Variants in DUSP11 observed in about 807,000 individuals in gnomAD.
The protein encoded by DUSP11 is RNA/RNP complex-1-interacting phosphatase.
Under a neutral mutation model 41.4 loss-of-function variants are expected in DUSP11, and 27 were observed. That is an observed-to-expected ratio of 0.65 (90% CI 0.48 to 0.90). The LOEUF (loss-of-function observed/expected upper bound fraction) is 0.90. Ranked by LOEUF, DUSP11 falls within the 40% of genes least tolerant of loss-of-function variation. The pLI is 0.00. For synonymous variants in DUSP11, 188 were observed against 159.3 expected (o/e 1.18, Z -1.35); for missense variants, 465 against 461.1 (o/e 1.01, Z -0.08).
At chr2:73,778,866 G>T (rs1244508109) in intron 1 of DUSP11, among the ~76,000 whole-genome samples, 1 of 152,158 alleles carries the variant, frequency 6.6e-6, no homozygotes, top group Non-Finnish European at 1.5e-5. Context: ...CTAGGAACTG[G>T]CCGGGCGCGG....
chr2:73,772,246 T>C (rs1166872554), intron 4 of DUSP11, among the ~76,000 whole-genome samples: 2 of 152,348 alleles, frequency 1.3e-5, no homozygotes, highest in Admixed American at 1.3e-4. Flanking sequence ...TCTAAAAGGA[T>C]CTCAGTGTTT....
chr2:73,764,064 C>A (rs1672413083), intron 8 of DUSP11, among the ~76,000 whole-genome samples: 1 of 152,198 alleles, frequency 6.6e-6, no homozygotes, highest in African/African-American at 2.4e-5. Context: ...AGCCCAGCAT[C>A]TGACACATGG....
exon 8 of DUSP11, chr2:73,766,459 T>C: frequency 6.2e-7 from 1 of 1,613,890 alleles, no homozygotes; most frequent in Non-Finnish European, 8.5e-7. Flanking sequence ...TGTGGAAATG[T>C]CGAGGAGCTG....
At chr2:73,762,916 T>C (rs1407020749) in intron 8 of DUSP11, 57 bp from the exon 9 acceptor site, 1 of 718,300 alleles carries the variant, frequency 1.4e-6, no homozygotes, top group Non-Finnish European at 2.0e-6. Context: ...ATAATTTTTA[T>C]TTATTTTAAA....
At chr2:73,774,348 C>T (rs748727062) in intron 3 of DUSP11, among the ~76,000 whole-genome samples, 1 of 152,018 alleles carries the variant, frequency 6.6e-6, no homozygotes, top group African/African-American at 2.4e-5. Context: ...TATTGAGAAC[C>T]GATATTCTTG....
exon 1 of DUSP11, chr2:73,780,136 G>C: frequency 6.4e-7 from 1 of 1,552,376 alleles, no homozygotes; most frequent in Non-Finnish European, 8.7e-7. Context: ...CGGTCGTGAT[G>C]GCGTAGCCAC....
At chr2:73,764,006 T>C (rs569461023) in intron 8 of DUSP11, among the ~76,000 whole-genome samples, 1 of 152,308 alleles carries the variant, frequency 6.6e-6, no homozygotes, top group African/African-American at 2.4e-5. Context: ...CAACCACAAA[T>C]AATGCTGGGA....
chr2:73,769,508 G>T (rs1672532447), intron 4 of DUSP11, among the ~76,000 whole-genome samples, 183 bp from the exon 5 acceptor site: 1 of 152,126 alleles, frequency 6.6e-6, no homozygotes, highest in Admixed American at 6.5e-5. Context: ...GTCCCAATTA[G>T]ACTCAGTGAT....
In DUSP11 at chr2:73,778,381, T is replaced by C; in HGVS notation, c.243-5A>G. The C allele has an allele frequency of 6.6e-7, 1 of 1,504,712 alleles. No individual in the cohort carries two copies. The highest frequency in any genetic ancestry group is 8.9e-7 in the Non-Finnish European group (1 of 1,125,742). 93.2% of individuals were successfully genotyped at this position (1,504,712 alleles called of 1,614,324 possible). ...ACTGGGAGATAGTCTTTCCACCTAT[T>C]AGATATATTTTTTGTTAGCCAAATT... On this transcript the variant is annotated splice_region_variant and splice_polypyrimidine_tract_variant and intron_variant, in intron 1 of 8. Coordinates refer to ENST00000272444, the Ensembl canonical transcript of DUSP11.
intron 5 of DUSP11, chr2:73,768,081 C>T (rs1167999927): frequency 6.6e-6 from 1 of 152,264 alleles, no homozygotes; most frequent in East Asian, 1.9e-4. Flanking sequence ...TCCTCCAACA[C>T]AGTATATATT....
At chr2:73,775,171 A>G in intron 2 of DUSP11, 127 bp from the exon 3 acceptor site, 1 of 774,318 alleles carries the variant, frequency 1.3e-6, no homozygotes. Context: ...CTCCTGGAAC[A>G]TAGAAGGTAT....
At chr2:73,762,335 C>T (rs1672382377) in exon 9 of DUSP11, 1 of 174,048 alleles carries the variant, frequency 5.7e-6, no homozygotes, top group African/African-American at 2.4e-5. Context: ...ACACGCATAT[C>T]ACAAGTCTAG....
chr2:73,765,094 T>C (rs1490956776), intron 8 of DUSP11, among the ~76,000 whole-genome samples: 2 of 152,204 alleles, frequency 1.3e-5, no homozygotes, highest in Middle Eastern at 3.2e-3. Flanking sequence ...TAAAGTATTA[T>C]TTCTGGGAGT....
At chr2:73,766,587 T>A in exon 8 of DUSP11, 1 of 1,606,630 alleles carries the variant, frequency 6.2e-7, no homozygotes, top group Admixed American at 1.7e-5. Flanking sequence ...ACACTGGAAT[T>A]CCAATTCCTT....
Position 73,774,988 on chromosome 2 carries a change from G to T in DUSP11, c.375C>A (p.Asn125Lys), listed in dbSNP as rs1451427051. 6 of 1,612,208 alleles carry T rather than the reference G, an allele frequency of 3.7e-6. No homozygotes were observed. In the African/African-American group the frequency reaches 6.7e-5, roughly 18 times the overall value. ...GTTCTTCATTTTGTTCTCGGATTTT[G>T]TTAAAAAGATCCAAAGGGGAAAAGC... The change falls in exon 3 of 9, where the codon AAC becomes AAA. Residue 125 changes from asparagine to lysine, a missense_variant. By Grantham distance (94) the Asn-to-Lys change is moderately conservative. Coordinates refer to ENST00000272444, the Ensembl canonical transcript of DUSP11.
At chr2:73,776,143 G>GGT (rs1672681368) in intron 2 of DUSP11, among the ~76,000 whole-genome samples, 1 of 151,696 alleles carries the variant, frequency 6.6e-6, no homozygotes, top group Non-Finnish European at 1.5e-5. Context: ...GGCTGGGTGC[G>GGT]GTGGCTCAAG....
chr2:73,762,700 G>A (rs1417353339), exon 9 of DUSP11: 3 of 1,613,450 alleles, frequency 1.9e-6, no homozygotes, highest in Non-Finnish European at 2.5e-6. Flanking sequence ...AGGAGAGTCT[G>A]GAGTAATTAT....
intron 2 of DUSP11, among the ~76,000 whole-genome samples, chr2:73,776,711 T>C (rs1284997382): frequency 6.6e-6 from 1 of 152,228 alleles, no homozygotes; most frequent in Non-Finnish European, 1.5e-5. Context: ...GAGAAAGAAC[T>C]AAGTTCAAGT....
intron 2 of DUSP11, among the ~76,000 whole-genome samples, chr2:73,775,798 G>A (rs1297899704): frequency 7.2e-6 from 1 of 138,856 alleles, no homozygotes; most frequent in Non-Finnish European, 1.5e-5. Context: ...AGCTTGCAGT[G>A]AGCCGAGATC....
Sources: allele counts gnomAD v4.1 joint callset (sites outside exome capture counted in the v4.1 genomes callset), GRCh38; gene constraint gnomAD v4.1.1; transcripts MANE v1.5; gene names NCBI Gene and HGNC (gene_info 2026-07-23, HGNC 2026-07-21).